DNAH14: variants seen among roughly 807,000 people sequenced by gnomAD.
The protein encoded by DNAH14 is dynein axonemal heavy chain 14.
In DNAH14, 478 loss-of-function variants were observed where a neutral mutation model predicts 520.9. The observed-to-expected ratio is 0.92, with a 90% CI of 0.85 to 0.99. The LOEUF (loss-of-function observed/expected upper bound fraction) is 0.99, where lower values mean the gene tolerates loss of function less well. Among genes scored for constraint, DNAH14 ranks in the 50% least tolerant of loss-of-function variants. DNAH14 has a pLI of 0.00. For synonymous variants in DNAH14, 1,581 were observed against 1,757.2 expected, an observed-to-expected ratio of 0.90 and a Z score of 2.51; for missense variants, 4,831 against 5,234.5, an observed-to-expected ratio of 0.92 and a Z score of 2.38.
intron 60 of DNAH14, among the ~76,000 whole-genome samples, chr1:225,314,838 A>G (rs2094438043): frequency 6.6e-6 from 1 of 152,194 alleles, no homozygotes; most frequent in Non-Finnish European, 1.5e-5. Context: ...CTCTGTGGGT[A>G]ACCCGACCTT....
At chr1:225,190,216 A>G (rs75114078) in intron 37 of DNAH14, among the ~76,000 whole-genome samples, 1 of 152,080 alleles carries the variant, frequency 6.6e-6, no homozygotes, top group African/African-American at 2.4e-5. Context: ...ATGAACAATG[A>G]CAACTAATGA....
chr1:225,395,041 A>G (rs559338216), intron 84 of DNAH14, among the ~76,000 whole-genome samples: 1 of 152,210 alleles, frequency 6.6e-6, no homozygotes, highest in Admixed American at 6.5e-5. Flanking sequence ...GATAGTTTTT[A>G]TCCTTTATCT....
Position 225,346,049 on chromosome 1 carries a change from C to CA in DNAH14, c.10773dup (p.Ala3592SerfsTer2). 1.3e-5 allele frequency: 20 copies of CA among 1,551,474 alleles called. No individual in the cohort carries two copies. Among genetic ancestry groups the CA allele is most frequent in the Non-Finnish European group, 1.7e-5 (20 of 1,146,942 alleles). On this transcript the variant is annotated frameshift_variant, in exon 70 of 86. Coordinates refer to ENST00000682510, the MANE Select transcript of DNAH14 (RefSeq NM_001367479.1). LOFTEE classifies it high-confidence loss of function. ...GAAATTTCAAAGCGCATCGAAGCAA[C>CA]AAAAAAAGCTGAAAGTGAAATCCAA... is the stretch of plus-strand genomic sequence containing the variant.
chr1:224,988,300 A>G (rs1558609692), intron 8 of DNAH14, among the ~76,000 whole-genome samples: 1 of 152,154 alleles, frequency 6.6e-6, no homozygotes, highest in Non-Finnish European at 1.5e-5. Context: ...CCAGTCTATC[A>G]TTAAGGGACA....
In DNAH14 at chr1:225,338,644, C is replaced by T. The variant is rs960100213; in HGVS notation, c.10433+462C>T. ...ATCCATGTTCCCAGCAGTAAAGGGA[C>T]TCCAGGAAATCCACTTGTACTAGCC... On this transcript the variant is annotated intron_variant, in intron 68 of 85. Transcript: ENST00000682510. 3.3e-5 allele frequency among the ~76,000 whole-genome samples: 5 copies of T among 152,160 alleles called. 1 individual carries two copies. The highest frequency in any genetic ancestry group is 3.3e-4 in the Admixed American group (5 of 15,278).
intron 54 of DNAH14, among the ~76,000 whole-genome samples, chr1:225,281,298 A>C (rs1447488981): frequency 6.6e-6 from 1 of 152,094 alleles, no homozygotes; most frequent in Non-Finnish European, 1.5e-5. Context: ...TCCATCTGTA[A>C]AGCCAGCAAC....
chr1:225,362,027 ACTATTTATAGGGCATCTG>A (rs1198177142), intron 75 of DNAH14, among the ~76,000 whole-genome samples: 1 of 152,224 alleles, frequency 6.6e-6, no homozygotes, highest in Non-Finnish European at 1.5e-5. Context: ...TCATCCAAAA[ACTATTTATAGGGCATCTG>A]CTATTTGTCA....
rs150800560 is a variant in DNAH14 at position 224,990,574 on chromosome 1, C to A, written c.831-12209C>A. Reference sequence around the variant, plus strand: ...ACATGTGTCATTTGTTTTTTTGTGCCTGGCTTATTTAACTTAGCATAATGT... The same window carrying A: ...ACATGTGTCATTTGTTTTTTTGTGCATGGCTTATTTAACTTAGCATAATGT... On this transcript the variant is annotated intron_variant, in intron 8 of 85. Transcript: ENST00000682510. Among the ~76,000 whole-genome samples the A allele has an allele frequency of 7.9e-5, 12 of 152,200 alleles. No homozygotes were observed. In the East Asian group the frequency reaches 2.1e-3, roughly 27 times the overall value.
chr1:225,255,411 C>G (rs1430526549), intron 44 of DNAH14, among the ~76,000 whole-genome samples: 1 of 152,212 alleles, frequency 6.6e-6, no homozygotes, highest in Non-Finnish European at 1.5e-5. Flanking sequence ...CTTCCCTCCA[C>G]TCTTTCTCAC....
At chr1:225,158,736 A>G (rs1449903869) in intron 34 of DNAH14, among the ~76,000 whole-genome samples, 1 of 152,242 alleles carries the variant, frequency 6.6e-6, no homozygotes, top group Admixed American at 6.5e-5. Context: ...TGAAAAAAGA[A>G]TATTCACAGA....
At chr1:224,936,560 G>T (rs777778872) in intron 1 of DNAH14, among the ~76,000 whole-genome samples, 4 of 151,846 alleles carry the variant, frequency 2.6e-5, no homozygotes, top group Non-Finnish European at 5.9e-5. Flanking sequence ...GTAGTAACAA[G>T]TTCAAAGCTG....
intron 11 of DNAH14, among the ~76,000 whole-genome samples, chr1:225,024,863 G>T (rs538405860): frequency 6.6e-6 from 1 of 152,164 alleles, no homozygotes; most frequent in East Asian, 1.9e-4. Context: ...TCATATTATA[G>T]CAAATTTGGA....
Position 225,270,828 on chromosome 1 carries a change from C to A in DNAH14, c.7633C>A (p.Pro2545Thr). The change falls in exon 50 of 86, where the codon CCT becomes ACT. Residue 2545 changes from proline to threonine, a missense_variant. Coordinates refer to ENST00000682510, the MANE Select transcript of DNAH14 (RefSeq NM_001367479.1). ...LLKHFSMLVL[P>T]HPSQDILCTI... is the part of the protein sequence containing the mutation. ...CAAACACTTTTCCATGCTGGTATTA[C>A]CTCATCCTTCACAAGACATCTTATG... 6.4e-7 allele frequency: 1 copy of A among 1,551,272 alleles called. No homozygotes were observed. The highest frequency in any genetic ancestry group is 8.7e-7 in the Non-Finnish European group (1 of 1,146,806).
At chr1:224,932,300 ATTGT>A (rs757785672) in intron 1 of DNAH14, among the ~76,000 whole-genome samples, 3 of 151,172 alleles carry the variant, frequency 2.0e-5, no homozygotes, top group Non-Finnish European at 4.4e-5. Flanking sequence ...TTTTAATGGG[ATTGT>A]TTGTGCTTTT....
rs2095672978 is a variant in DNAH14, at chr1:225,374,658, AAATAATAAAG to A, written c.12319-28_12319-19del. ...GTGAGTAAGCTGGAAACACATACTG[AAATAATAAAG>A]ACTCATGGGTTTTCCAAAGGTTGCC... is the stretch of plus-strand genomic sequence containing the variant. On this transcript the variant is annotated intron_variant, in intron 77 of 85. Transcript: ENST00000682510. 6.7e-7 allele frequency: 1 copy of A among 1,500,326 alleles called. No homozygotes were observed. The highest frequency in any genetic ancestry group is 9.0e-7 in the Non-Finnish European group (1 of 1,114,092). 92.9% of individuals were successfully genotyped at this position (1,500,326 alleles called of 1,614,324 possible). A position where few individuals can be genotyped will look rare whatever the true frequency, so the allele number is the denominator to read the frequency against.
chr1:225,177,855 G>C (rs2083499503), intron 36 of DNAH14, among the ~76,000 whole-genome samples: 1 of 152,204 alleles, frequency 6.6e-6, no homozygotes, highest in African/African-American at 2.4e-5. Flanking sequence ...CCCCCACACA[G>C]AGTCTACTGG....
intron 71 of DNAH14, among the ~76,000 whole-genome samples, chr1:225,351,282 T>C (rs1000950880): frequency 6.6e-6 from 1 of 152,130 alleles, no homozygotes; most frequent in African/African-American, 2.4e-5. Flanking sequence ...TCCCAGCTAC[T>C]TGTGAGGCTG....
intron 82 of DNAH14, among the ~76,000 whole-genome samples, chr1:225,388,940 T>C (rs2095872889): frequency 1.3e-5 from 2 of 152,282 alleles, no homozygotes; most frequent in South Asian, 4.1e-4. Flanking sequence ...TGTTTGTATT[T>C]TTAGTAGAGA....
At position 225,151,987 on chromosome 1, in the gene DNAH14, T is replaced by C. The variant is rs768410747; in HGVS notation, c.4941-18T>C. On this transcript the variant is annotated intron_variant, in intron 31 of 85. Transcript: ENST00000682510. ...TAGAGAAAACAGTGCTAGTGATGAA[T>C]ACTGTAATGTCTTTTAGGTTTGTAC... 10 of 1,546,234 alleles carry C rather than the reference T, an allele frequency of 6.5e-6. No homozygotes were observed. Among genetic ancestry groups the C allele is most frequent in the Non-Finnish European group, 8.8e-6 (10 of 1,142,162 alleles).
Sources: gnomAD v4.1 joint callset for allele counts (sites outside exome capture counted in the v4.1 genomes callset) on GRCh38, gnomAD v4.1.1 for gene constraint, MANE v1.5 for transcripts, NCBI Gene and HGNC (gene_info 2026-07-23, HGNC 2026-07-21) for gene names.